Variants in TRPM3 observed in about 807,000 individuals in gnomAD.
The protein encoded by TRPM3 is long transient receptor potential channel 3.
A neutral mutation model predicts 181.2 loss-of-function variants in TRPM3; 77 were observed. That is an observed-to-expected ratio of 0.42 (90% CI 0.35 to 0.51). The LOEUF is 0.51. Among genes scored for constraint, TRPM3 ranks in the 20% least tolerant of loss-of-function variants. The pLI is 0.01. For missense variants in TRPM3, 1,759 were observed against 2,196.7 expected (o/e 0.80, Z 3.98); for synonymous variants, 745 against 796.4 (o/e 0.94, Z 1.09).
intron 9 of TRPM3, among the ~76,000 whole-genome samples, chr9:70,668,292 A>G (rs554163554): frequency 6.6e-5 from 10 of 152,246 alleles, no homozygotes; most frequent in African/African-American, 2.2e-4. Flanking sequence ...AGTTTCCTCA[A>G]TTGTAAGATG....
intron 1 of TRPM3, among the ~76,000 whole-genome samples, chr9:71,294,806 G>T (rs1588343273): frequency 6.6e-6 from 1 of 152,122 alleles, no homozygotes; most frequent in Non-Finnish European, 1.5e-5. Flanking sequence ...AAGTGAGCAC[G>T]ATTGATTCTG....
At chr9:71,047,069 G>T (rs1320027159) in intron 1 of TRPM3, among the ~76,000 whole-genome samples, 1 of 152,168 alleles carries the variant, frequency 6.6e-6, no homozygotes, top group East Asian at 1.9e-4. Context: ...ATTTTATAAA[G>T]ATGAATTCCT....
Position 70,549,625 on chromosome 9 carries a change from C to T in TRPM3, c.3624G>A (p.Glu1208=). 1 of 1,612,548 alleles carries T rather than the reference C, an allele frequency of 6.2e-7. No homozygotes were observed. ...DELKKVHDFE[E]QCIEEYFREK... is the part of the protein sequence containing the mutation. ...CTCTGAAGTATTCTTCTATGCATTG[C>T]TCTTCAAAGTCATGTACTTTCTTGA... is the stretch of plus-strand genomic sequence containing the variant. Residue 1208 remains glutamate (E), a synonymous_variant, in exon 25 of 26, where the codon GAG becomes GAA. Transcript: ENST00000677713.
At chr9:71,040,774 C>T (rs2058726806) in intron 1 of TRPM3, among the ~76,000 whole-genome samples, 1 of 152,088 alleles carries the variant, frequency 6.6e-6, no homozygotes, top group Non-Finnish European at 1.5e-5. Context: ...CGATACAAGC[C>T]ACTGGGACAC....
rs147880005 is a variant in TRPM3 at position 71,318,471 on chromosome 9, A to G, written c.183+128182T>C. On this transcript the variant is annotated intron_variant, in intron 1 of 24. Coordinates refer to the TRPM3 transcript ENST00000357533. ...TTATTTTTCAGTAGTTGTGTCTACA[A>G]CATATGCATTTCTCCTTTAATCTGC... Among the ~76,000 whole-genome samples the G allele has an allele frequency of 5.4e-3, 825 of 152,292 alleles. 6 individuals are homozygous for G. The highest frequency in any genetic ancestry group is 0.019 in the African/African-American group (788 of 41,574).
At chr9:70,748,926 C>A (rs1167158795) in intron 8 of TRPM3, among the ~76,000 whole-genome samples, 1 of 152,156 alleles carries the variant, frequency 6.6e-6, no homozygotes, top group African/African-American at 2.4e-5. Flanking sequence ...GCTCTGTCCC[C>A]TGGGCTGGAG....
At chr9:70,619,331 G>A (rs765700812) in intron 16 of TRPM3, among the ~76,000 whole-genome samples, 16 of 151,174 alleles carry the variant, frequency 1.1e-4, no homozygotes, top group Non-Finnish European at 1.9e-4. Flanking sequence ...CTGTACTCAG[G>A]CCCTCAGATT....
chr9:70,686,814 C>CT (rs1319026136), intron 8 of TRPM3, among the ~76,000 whole-genome samples: 5 of 123,634 alleles, frequency 4.0e-5, no homozygotes, highest in South Asian at 2.9e-4. Context: ...TCTTTCTTTT[C>CT]TTTTCTTTTT....
intron 6 of TRPM3, among the ~76,000 whole-genome samples, chr9:70,822,817 G>A (rs999364343): frequency 1.3e-5 from 2 of 150,340 alleles, no homozygotes; most frequent in Non-Finnish European, 3.0e-5. Context: ...AAGTCCCCTG[G>A]TATTTGGGTC....
At chr9:70,817,481 T>C (rs1224400227) in intron 6 of TRPM3, among the ~76,000 whole-genome samples, 1 of 152,176 alleles carries the variant, frequency 6.6e-6, no homozygotes, top group East Asian at 1.9e-4. Flanking sequence ...TCCTGTCTCA[T>C]TGAAGCATCT....
At chr9:70,945,998 C>G (rs2096928491) in intron 1 of TRPM3, among the ~76,000 whole-genome samples, 1 of 152,112 alleles carries the variant, frequency 6.6e-6, no homozygotes, top group East Asian at 1.9e-4. Context: ...CAGCTTTGGT[C>G]AGAAAAGTGA....
At chr9:71,373,648 C>A (rs2092589461) in intron 1 of TRPM3, among the ~76,000 whole-genome samples, 1 of 151,602 alleles carries the variant, frequency 6.6e-6, no homozygotes, top group Non-Finnish European at 1.5e-5. Context: ...GCCTACCAAG[C>A]AAAAAAAGCC....
chr9:70,531,323 T>A lies in TRPM3; in HGVS notation c.*4630A>T, dbSNP rs1460113125. 1 of 152,228 alleles carries A rather than the reference T, an allele frequency of 6.6e-6. No homozygotes were observed. The highest frequency in any genetic ancestry group is 1.5e-5 in the Non-Finnish European group (1 of 68,040). 9.4% of individuals were successfully genotyped at this position (152,228 alleles called of 1,614,324 possible). A position where few individuals can be genotyped will look rare whatever the true frequency, so the allele number is the denominator to read the frequency against. The stretch of plus-strand genomic sequence containing the variant: ...GATTTAAAAATCCCTTGGTTACTTT[T>A]TTTTTGTTTTTAATTTTTCAAAACT... On this transcript the variant is annotated 3_prime_UTR_variant, in exon 26 of 26. Transcript: ENST00000677713.
chr9:70,958,577 T>G (rs1161782892), intron 1 of TRPM3, among the ~76,000 whole-genome samples: 1 of 152,176 alleles, frequency 6.6e-6, no homozygotes, highest in South Asian at 2.1e-4. Flanking sequence ...CATAAATGTC[T>G]TCTTTTAGGA....
At chr9:71,267,304 T>C (rs1305584489) in intron 1 of TRPM3, among the ~76,000 whole-genome samples, 1 of 152,160 alleles carries the variant, frequency 6.6e-6, no homozygotes, top group Non-Finnish European at 1.5e-5. Context: ...ATCAAAAATG[T>C]AGTAAATAAA....
chr9:70,567,675 G>T (rs575465303), intron 22 of TRPM3, among the ~76,000 whole-genome samples: 71 of 148,248 alleles, frequency 4.8e-4, no homozygotes, highest in African/African-American at 1.9e-3. Context: ...ATAAAAATTG[G>T]CTAGTTTCTG....
intron 1 of TRPM3, among the ~76,000 whole-genome samples, chr9:70,868,652 G>A (rs1191116631): frequency 1.3e-5 from 2 of 151,982 alleles, no homozygotes; most frequent in Non-Finnish European, 2.9e-5. Flanking sequence ...CTTGGAAAGT[G>A]CTATTGCAAT....
At chr9:71,163,144 A>G (rs906931423) in intron 1 of TRPM3, among the ~76,000 whole-genome samples, 2 of 152,162 alleles carry the variant, frequency 1.3e-5, no homozygotes, top group Non-Finnish European at 2.9e-5. Context: ...TTTAACCCAA[A>G]GAGGTGACAT....
intron 1 of TRPM3, among the ~76,000 whole-genome samples, chr9:71,104,221 A>T (rs1403752867): frequency 6.6e-6 from 1 of 152,130 alleles, no homozygotes; most frequent in African/African-American, 2.4e-5. Context: ...CACCCCATTT[A>T]GCAACTCTTT....
Sources: gnomAD v4.1 joint callset for allele counts (sites outside exome capture counted in the v4.1 genomes callset) on GRCh38, gnomAD v4.1.1 for gene constraint, MANE v1.5 for transcripts, NCBI Gene and HGNC (gene_info 2026-07-23, HGNC 2026-07-21) for gene names.